SSH3: variants seen among roughly 807,000 people sequenced by gnomAD.
The protein encoded by SSH3 is protein phosphatase Slingshot homolog 3.
In SSH3, 67 loss-of-function variants were observed where a neutral mutation model predicts 75.0. The observed-to-expected ratio is 0.89, with a 90% CI of 0.73 to 1.10. The LOEUF (loss-of-function observed/expected upper bound fraction) is 1.10. SSH3 is among the 50% of genes least tolerant of loss of function. SSH3 has a pLI of 0.00. For missense variants in SSH3, 824 were observed against 872.7 expected, an observed-to-expected ratio of 0.94 and a Z score of 0.70; for synonymous variants, 318 against 349.2, an observed-to-expected ratio of 0.91 and a Z score of 1.00.
At position 67,304,981 on chromosome 11, in the gene SSH3, C is replaced by T; in HGVS notation, c.313C>T (p.Leu105=). The change falls in exon 3 of 14, where the codon CTG becomes TTG. Residue 105 remains leucine (L), a synonymous_variant. Coordinates refer to ENST00000308127, the MANE Select transcript of SSH3 (RefSeq NM_017857.4). ...GCACCTGCACCTCATGGTACAGCTG[C>T]TGAGGCCGCAGGATGACATCCGCCT... The part of the protein sequence containing the change: ...RQHLHLMVQL[L]RPQDDIRLAA... The T allele has an allele frequency of 6.2e-7, 1 of 1,612,362 alleles. No homozygotes were observed. The highest frequency in any genetic ancestry group is 8.5e-7 in the Non-Finnish European group (1 of 1,179,760).
rs1861346796 is a variant in SSH3, at chr11:67,309,438, T to A, written c.1103T>A (p.Phe368Tyr). 6.2e-7 allele frequency: 1 copy of A among 1,614,004 alleles called. No homozygotes were observed. The highest frequency in any genetic ancestry group is 8.5e-7 in the Non-Finnish European group (1 of 1,180,020). The change falls in exon 11 of 14, where the codon TTC becomes TAC. Residue 368 changes from phenylalanine (F) to tyrosine (Y), a missense_variant. Physicochemically the swap from Phe to Tyr is conservative, Grantham distance 22 (BLOSUM62 3). Transcript: ENST00000308127. ...AACATGGCCCGGGAGATTGACAACT[T>A]CTACCCTGAGCGCTTCACCTACCAC... Reference protein sequence around the residue: ...ILNMAREIDNFYPERFTYHNV... With the variant: ...ILNMAREIDNYYPERFTYHNV...
rs774504539 is a variant in SSH3, at chr11:67,307,901, T to A, written c.847T>A (p.Leu283Met). ...GATCCGTGCTGAGCTGTGGAAAGTGTTGGATGTCAGTGACCTGGAGAGTGT... is the reference window on the plus strand; with the variant it reads ...GATCCGTGCTGAGCTGTGGAAAGTGATGGATGTCAGTGACCTGGAGAGTGT... The part of the protein sequence containing the change: ...QAIRAELWKV[L>M]DVSDLESVTS... Residue 283 changes from leucine (L) to methionine (M), a missense_variant, in exon 8 of 14, where the codon TTG (leucine) becomes ATG (methionine). Transcript: ENST00000308127. This position sits in a 1 kb window ranked among gnomAD's most constrained non-coding sequence, Gnocchi z 4.2. 1 of 1,614,116 alleles carries A rather than the reference T, an allele frequency of 6.2e-7. No individual in the cohort carries two copies. The highest frequency in any genetic ancestry group is 8.5e-7 in the Non-Finnish European group (1 of 1,179,976).
intron 13 of SSH3, among the ~76,000 whole-genome samples, chr11:67,311,074 G>C (rs1861396480): frequency 6.6e-6 from 1 of 152,222 alleles, no homozygotes; most frequent in South Asian, 2.1e-4. Context: ...ATCCACTGAG[G>C]GCAGGAACAT....
Position 67,307,842 on chromosome 11 carries a change from C to T in SSH3, c.792-4C>T, listed in dbSNP as rs758120069. 4.3e-6 allele frequency: 7 copies of T among 1,614,034 alleles called. No individual in the cohort carries two copies. The highest frequency in any genetic ancestry group is 3.4e-6 in the Non-Finnish European group (4 of 1,180,020). On this transcript the variant is annotated splice_polypyrimidine_tract_variant and splice_region_variant and intron_variant, in intron 7 of 13. Coordinates refer to ENST00000308127, the MANE Select transcript of SSH3 (RefSeq NM_017857.4). This position sits in a 1 kb window ranked among gnomAD's most constrained non-coding sequence, Gnocchi z 4.2. ...GCCCCTTGACTGAGGGGCTCTGCTC[C>T]CAGGTCCTCAGAACAGGAGCAGATG...
At chr11:67,306,804 C>T (rs1861257358) in intron 3 of SSH3, 34 bp from the exon 4 acceptor site, 3 of 1,584,790 alleles carry the variant, frequency 1.9e-6, no homozygotes, top group South Asian at 1.1e-5. Context: ...GTCCTTGGGG[C>T]CACTGTGACC....
In SSH3 at chr11:67,304,835, A is replaced by G; in HGVS notation, c.167A>G (p.Asp56Gly). The change falls in exon 3 of 14, where the codon GAT becomes GGT. Residue 56 changes from aspartate to glycine, a missense_variant. Asp to Gly is a moderately conservative substitution (Grantham distance 94). Coordinates refer to ENST00000308127, the MANE Select transcript of SSH3 (RefSeq NM_017857.4). Reference sequence around the variant, plus strand: ...CTGCAGGATGGAGGGGACAATGATGATGCAGCAGAGGCCAGTTCTGAGCCA... The same window carrying G: ...CTGCAGGATGGAGGGGACAATGATGGTGCAGCAGAGGCCAGTTCTGAGCCA... Reference protein sequence around the residue: ...LGLQDGGDNDDAAEASSEPTE... With the variant: ...LGLQDGGDNDGAAEASSEPTE... 6.2e-7 allele frequency: 1 copy of G among 1,613,664 alleles called. No individual in the cohort carries two copies. Among genetic ancestry groups the G allele is most frequent in the Non-Finnish European group, 8.5e-7 (1 of 1,179,960 alleles).
chr11:67,306,656 A>C (rs1311653621), intron 3 of SSH3, among the ~76,000 whole-genome samples, 182 bp from the exon 4 acceptor site: 2 of 152,164 alleles, frequency 1.3e-5, no homozygotes, highest in Non-Finnish European at 2.9e-5. Context: ...TGTGCAACCT[A>C]TGTCAGTCCC....
At position 67,310,178 on chromosome 11, in the gene SSH3, G is replaced by T. The variant is rs779045710; in HGVS notation, c.1522G>T (p.Gly508Trp). ...TCTTCCGCCAGAACCTGAGGGTGGTGGGGAGGAGAAGGTTGTAGGCATGGA... is the reference window on the plus strand; with the variant it reads ...TCTTCCGCCAGAACCTGAGGGTGGTTGGGAGGAGAAGGTTGTAGGCATGGA... The part of the protein sequence containing the change: ...PPLPPEPEGG[G>W]EEKVVGMEES... Residue 508 changes from glycine (G) to tryptophan (W), a missense_variant, in exon 13 of 14, where the codon GGG becomes TGG. Gly to Trp is a radical substitution (Grantham distance 184, BLOSUM62 -2). Transcript: ENST00000308127. 33 of 1,614,256 alleles carry T rather than the reference G, an allele frequency of 2.0e-5. No homozygotes were observed. The East Asian group carries it at 7.1e-4, about 35-fold the overall frequency.
At chr11:67,305,933 G>C (rs1861227503) in intron 3 of SSH3, among the ~76,000 whole-genome samples, 2 of 152,072 alleles carry the variant, frequency 1.3e-5, no homozygotes. Context: ...ATATTTCTTT[G>C]GTGATAAACA....
In SSH3 at chr11:67,311,979, C is replaced by G; in HGVS notation, c.*92C>G. 2 of 1,529,158 alleles carry G rather than the reference C, an allele frequency of 1.3e-6. No individual in the cohort carries two copies. Among genetic ancestry groups the G allele is most frequent in the South Asian group, 2.4e-5 (2 of 83,900 alleles). 94.7% of individuals were successfully genotyped at this position (1,529,158 alleles called of 1,614,324 possible). A position where few individuals can be genotyped will look rare whatever the true frequency, so the allele number is the denominator to read the frequency against. ...CACGTCTGTTGCCGCACACATTCCT[C>G]TCAGCTCCGCCCCATACCCGTCACT... On this transcript the variant is annotated 3_prime_UTR_variant, in exon 14 of 14. Transcript: ENST00000308127.
chr11:67,306,853 G>GCACCCCGGC lies in SSH3; in HGVS notation c.357_365dup (p.Pro122_Arg124dup). 6.2e-7 allele frequency: 1 copy of GCACCCCGGC among 1,611,708 alleles called. No individual in the cohort carries two copies. Among genetic ancestry groups the GCACCCCGGC allele is most frequent in the Non-Finnish European group, 8.5e-7 (1 of 1,178,580 alleles). On this transcript the variant is annotated inframe_insertion, in exon 4 of 14. Transcript: ENST00000308127. ...CTCCCCCCAGGCAGCCCAGCTGGAG[G>GCACCCCGGC]CACCCCGGCCTCCCCGGCTCCGCTA...
intron 2 of SSH3, 90 bp downstream of exon 2, chr11:67,304,245 C>A: frequency 2.9e-6 from 3 of 1,042,426 alleles, no homozygotes; most frequent in Non-Finnish European, 4.2e-6. Context: ...ACAGAAAGCT[C>A]CCCGGAGGAC....
At position 67,308,291 on chromosome 11, in the gene SSH3, C is replaced by T. The variant is rs540604321; in HGVS notation, c.1003C>T (p.His335Tyr). Reference sequence around the variant, plus strand: ...GGACCGAGCCTCCCGCATCTTCCCCCACCTCTACCTGGTGAGCTTCAGCCA... The same window carrying T: ...GGACCGAGCCTCCCGCATCTTCCCCTACCTCTACCTGGTGAGCTTCAGCCA... ...QRDRASRIFP[H>Y]LYLGSEWNAA... is the part of the protein sequence containing the mutation. The change falls in exon 9 of 14, where the codon CAC becomes TAC. Residue 335 changes from histidine (H) to tyrosine (Y), a missense_variant. Coordinates refer to ENST00000308127, the MANE Select transcript of SSH3 (RefSeq NM_017857.4). This position sits in a 1 kb window ranked among gnomAD's most constrained non-coding sequence, Gnocchi z 4.9. 9 of 1,614,156 alleles carry T rather than the reference C, an allele frequency of 5.6e-6. No individual in the cohort carries two copies. In the East Asian group the frequency reaches 6.7e-5, roughly 12 times the overall value.
intron 3 of SSH3, 80 bp from the exon 4 acceptor site, chr11:67,306,758 C>G (rs937985562): frequency 6.8e-7 from 1 of 1,478,846 alleles, no homozygotes; most frequent in Non-Finnish European, 9.1e-7. Context: ...AGGGTCAGCA[C>G]TGTTCTGGGC....
At position 67,307,205 on chromosome 11, in the gene SSH3, C is replaced by G. The variant is rs1861271805; in HGVS notation, c.536+92C>G. 7 of 1,571,812 alleles carry G rather than the reference C, an allele frequency of 4.5e-6. No homozygotes were observed. Among genetic ancestry groups the G allele is most frequent in the Non-Finnish European group, 6.0e-6 (7 of 1,159,238 alleles). On this transcript the variant is annotated intron_variant, in intron 5 of 13. Transcript: ENST00000308127. This position sits in a 1 kb window ranked among gnomAD's most constrained non-coding sequence, Gnocchi z 4.2. ...GCCTGGGCACCAGGGTACAGTAGAA[C>G]TTTAGGCTGGGACTCTGGGGCCTGC... is the stretch of plus-strand genomic sequence containing the variant.
intron 13 of SSH3, 148 bp downstream of exon 13, chr11:67,310,487 G>C: frequency 9.6e-7 from 1 of 1,036,540 alleles, no homozygotes; most frequent in Non-Finnish European, 1.4e-6. Flanking sequence ...TGTCCTGGGA[G>C]GACCCAGGGG....
rs781021739 is a variant in SSH3 at position 67,304,760 on chromosome 11, A to G, written c.105-13A>G. 6 of 1,587,256 alleles carry G rather than the reference A, an allele frequency of 3.8e-6. No individual in the cohort carries two copies. In the East Asian group the frequency reaches 1.1e-4, roughly 30 times the overall value. ...GAATGAGGAGCCATGACAGTTGCCC[A>G]CTGCCCTGCCAGGCAGAGCTTTGCG... On this transcript the variant is annotated splice_polypyrimidine_tract_variant and intron_variant, in intron 2 of 13. Coordinates refer to ENST00000308127, the MANE Select transcript of SSH3 (RefSeq NM_017857.4).
Position 67,307,017 on chromosome 11 carries a change from T to C in SSH3, c.465-25T>C, listed in dbSNP as rs1861264855. 3 of 1,613,586 alleles carry C rather than the reference T, an allele frequency of 1.9e-6. No individual in the cohort carries two copies. The highest frequency in any genetic ancestry group is 1.3e-5 in the African/African-American group (1 of 74,850). On this transcript the variant is annotated intron_variant, in intron 4 of 13. Coordinates refer to ENST00000308127, the MANE Select transcript of SSH3 (RefSeq NM_017857.4). The surrounding 1 kb of genome is among the most constrained non-coding windows in gnomAD (Gnocchi z 4.2). ...AAGAGGTGAGGGACAGGGGGGACAA[T>C]GGCTTTCCCTCTGTCCCCTGCCAGC...
chr11:67,307,204 A>G lies in SSH3; in HGVS notation c.536+91A>G. 6.4e-7 allele frequency: 1 copy of G among 1,573,290 alleles called. No homozygotes were observed. The highest frequency in any genetic ancestry group is 8.6e-7 in the Non-Finnish European group (1 of 1,160,126). On this transcript the variant is annotated intron_variant, in intron 5 of 13. Coordinates refer to ENST00000308127, the MANE Select transcript of SSH3 (RefSeq NM_017857.4). The surrounding 1 kb of genome is among the most constrained non-coding windows in gnomAD (Gnocchi z 4.2). ...GGCCTGGGCACCAGGGTACAGTAGA[A>G]CTTTAGGCTGGGACTCTGGGGCCTG...
Sources: allele counts gnomAD v4.1 joint callset (sites outside exome capture counted in the v4.1 genomes callset), GRCh38; gene constraint gnomAD v4.1.1; non-coding constraint Gnocchi (gnomAD v3.1); transcripts MANE v1.5; gene names NCBI Gene and HGNC (gene_info 2026-07-23, HGNC 2026-07-21).